FOXP2: variants seen among roughly 807,000 people sequenced by gnomAD.
FOXP2 encodes the protein forkhead box protein P2.
FOXP2 carries 12 observed loss-of-function variants against 115.8 expected under a neutral mutation model. The observed-to-expected ratio is 0.10, with a 90% confidence interval of 0.07 to 0.17. FOXP2 has a LOEUF of 0.17. FOXP2 is among the 10% of genes least tolerant of loss of function. The pLI, the probability that FOXP2 is intolerant of heterozygous loss-of-function variation, is 1.00. For synonymous variants in FOXP2, 328 were observed against 297.7 expected (o/e 1.10, Z -1.05); for missense variants, 629 against 843.5 (o/e 0.75, Z 3.15).
chr7:114,286,551 G>A (rs1796471836), intron 1 of FOXP2, among the ~76,000 whole-genome samples: 2 of 151,932 alleles, frequency 1.3e-5, no homozygotes, highest in East Asian at 3.8e-4. Context: ...CATATATTAG[G>A]CAGAGTATAA....
At chr7:114,148,923 CTCCAGT>C (rs1792456837) in intron 1 of FOXP2, among the ~76,000 whole-genome samples, 1 of 152,146 alleles carries the variant, frequency 6.6e-6, no homozygotes, top group Non-Finnish European at 1.5e-5. Context: ...CCTGTAGTTT[CTCCAGT>C]TCCTCTTTCC....
chr7:114,617,890 T>C (rs1205161997), intron 3 of FOXP2, among the ~76,000 whole-genome samples: 1 of 152,246 alleles, frequency 6.6e-6, no homozygotes, highest in African/African-American at 2.4e-5. Flanking sequence ...CCTACCTACC[T>C]GTGCTATATG....
rs554864272 is a variant in FOXP2, at chr7:114,415,003, C to A, written c.-368C>A. ...GTAAGCATGCTGGCTCAGTCTTGAA[C>A]CTTTGTCACCCCTCACGTTGCACAC... On this transcript the variant is annotated 5_prime_UTR_variant, in exon 1 of 17. Coordinates refer to ENST00000350908, the MANE Select transcript of FOXP2 (RefSeq NM_014491.4). The A allele has an allele frequency of 2.9e-4, 128 of 445,660 alleles. 1 individual carries two copies. The highest frequency in any genetic ancestry group is 2.0e-3 in the South Asian group (125 of 62,728). 27.6% of individuals were successfully genotyped at this position (445,660 alleles called of 1,614,324 possible).
At chr7:114,152,151 A>G (rs1792544661) in intron 1 of FOXP2, among the ~76,000 whole-genome samples, 1 of 152,164 alleles carries the variant, frequency 6.6e-6, no homozygotes, top group Admixed American at 6.6e-5. Flanking sequence ...ATATAAAATA[A>G]TAGTATAATT....
chr7:114,101,265 A>G (rs1790945121), intron 1 of FOXP2, among the ~76,000 whole-genome samples: 1 of 152,164 alleles, frequency 6.6e-6, no homozygotes, highest in South Asian at 2.1e-4. Context: ...TTTTTAGACA[A>G]AAGATAGTCC....
At chr7:114,499,593 A>G (rs1404628469) in intron 2 of FOXP2, 1 of 152,156 alleles carries the variant, frequency 6.6e-6, no homozygotes, top group Non-Finnish European at 1.5e-5. Context: ...TTTTCTCTTC[A>G]TACGAGCTGT....
At chr7:114,523,013 ATTTC>A (rs1177672028) in intron 2 of FOXP2, among the ~76,000 whole-genome samples, 2 of 151,858 alleles carry the variant, frequency 1.3e-5, no homozygotes, top group Non-Finnish European at 1.5e-5. Context: ...ATATAAATGC[ATTTC>A]TTCTTTCATT....
At position 114,692,738 on chromosome 7, in the gene FOXP2, A is replaced by C. The variant is rs565184939; in HGVS notation, c.*2812A>C. ...GTATTCTTGCTTCTATCATAAGCTG[A>C]TTATGGGGACTATGATCTTTTGTAT... On this transcript the variant is annotated 3_prime_UTR_variant, in exon 17 of 17. Transcript: ENST00000350908. The C allele has an allele frequency of 2.0e-5, 9 of 446,322 alleles. No individual in the cohort carries two copies. Among genetic ancestry groups the C allele is most frequent in the African/African-American group, 1.6e-4 (8 of 49,672 alleles). The allele number at this position is 446,322 out of a possible 1,614,324, so 27.6% of individuals were successfully genotyped here.
In FOXP2 at chr7:114,672,360, A is replaced by G. The variant is rs145260129; in HGVS notation, c.2003+7924A>G. Among the ~76,000 whole-genome samples, 5,062 of 152,164 alleles carry G rather than the reference A, an allele frequency of 0.033. 424 individuals carry two copies. The East Asian group carries it at 0.35, about 10-fold the overall frequency. On this transcript the variant is annotated intron_variant, in intron 16 of 16. Transcript: ENST00000350908. ...AGCACTTTGGGAGGCCGAGGTGGGC[A>G]GATCACCTGAGGTCAGGAGTTCAAG...
chr7:114,294,911 T>C (rs141298979), intron 2 of FOXP2, among the ~76,000 whole-genome samples: 1,719 of 150,990 alleles, frequency 0.011, 18 homozygotes, highest in African/African-American at 0.018. Context: ...TGCATGCATA[T>C]ATACATACAT....
At chr7:114,426,994 C>G (rs1435218891) in intron 2 of FOXP2, among the ~76,000 whole-genome samples, 1 of 151,582 alleles carries the variant, frequency 6.6e-6, no homozygotes, top group African/African-American at 2.4e-5. Context: ...TGCTGCAGAA[C>G]GTGATACTTA....
rs202200865 is a variant in FOXP2, at chr7:114,390,551, G to T, written c.-10-35951G>T. Among the ~76,000 whole-genome samples the T allele has an allele frequency of 6.3e-3, 105 of 16,800 alleles. No homozygotes were observed. The East Asian group carries it at 0.13, about 21-fold the overall frequency. The allele number at this position is 16,800 out of a possible 152,430, so 11.0% of individuals were successfully genotyped here. A position where few individuals can be genotyped will look rare whatever the true frequency, so the allele number is the denominator to read the frequency against. ...TTATTTATTTATTTATTTATTTAGT[G>T]AGTTAGTTAGTTGGTTATTTGAGAC... On this transcript the variant is annotated intron_variant, in intron 2 of 17. Transcript: ENST00000634411.
Position 114,415,235 on chromosome 7 carries a change from T to A in FOXP2, c.-136T>A, listed in dbSNP as rs765224844. The A allele has an allele frequency of 2.2e-6, 1 of 453,988 alleles. No homozygotes were observed. The highest frequency in any genetic ancestry group is 1.6e-5 in the South Asian group (1 of 64,478). The allele number at this position is 453,988 out of a possible 1,614,324, so 28.1% of individuals were successfully genotyped here. On this transcript the variant is annotated 5_prime_UTR_variant, in exon 1 of 17. Transcript: ENST00000350908. ...GTGGCTTTGACAGTGAGCTAGCTTC[T>A]GAGTTTTCCCTTCTTTTTATACTGT...
intron 2 of FOXP2, among the ~76,000 whole-genome samples, chr7:114,436,624 A>G (rs1794362435): frequency 6.6e-6 from 1 of 151,844 alleles, no homozygotes; most frequent in Admixed American, 6.6e-5. Flanking sequence ...CCTTGCCTTC[A>G]TAAAACTTAA....
intron 2 of FOXP2, among the ~76,000 whole-genome samples, chr7:114,397,394 T>C (rs1277675170): frequency 6.6e-6 from 1 of 151,920 alleles, no homozygotes; most frequent in Non-Finnish European, 1.5e-5. Context: ...CAACAGACAA[T>C]AAACATAGAA....
At chr7:114,686,944 T>G (rs1808397501) in intron 16 of FOXP2, among the ~76,000 whole-genome samples, 1 of 152,120 alleles carries the variant, frequency 6.6e-6, no homozygotes, top group South Asian at 2.1e-4. Context: ...ATCCAAATGT[T>G]TTTTGAATTT....
At chr7:114,460,306 T>G (rs1446687504) in intron 2 of FOXP2, among the ~76,000 whole-genome samples, 1 of 152,184 alleles carries the variant, frequency 6.6e-6, no homozygotes, top group Non-Finnish European at 1.5e-5. Flanking sequence ...TTGTATATCT[T>G]CACAAGCCTT....
chr7:114,360,105 T>C (rs1791710389), intron 2 of FOXP2, among the ~76,000 whole-genome samples: 2 of 152,240 alleles, frequency 1.3e-5, no homozygotes, highest in South Asian at 4.1e-4. Context: ...GGATGGGTTT[T>C]TCCCATGCTG....
intron 1 of FOXP2, among the ~76,000 whole-genome samples, chr7:114,103,433 TA>T (rs1562965177): frequency 3.3e-5 from 5 of 152,114 alleles, no homozygotes; most frequent in South Asian, 2.1e-4. Flanking sequence ...GGTATTTATT[TA>T]TTTTTTTTAA....
Sources: allele counts gnomAD v4.1 joint callset (sites outside exome capture counted in the v4.1 genomes callset), GRCh38; gene constraint gnomAD v4.1.1; transcripts MANE v1.5; gene names NCBI Gene and HGNC (gene_info 2026-07-23, HGNC 2026-07-21).